Variants in TMEM238 observed in about 807,000 individuals in gnomAD.
TMEM238 encodes transmembrane protein 238.
For synonymous variants in TMEM238, 103 were observed against 111.5 expected, an observed-to-expected ratio of 0.92 and a Z score of 0.48; for missense variants, 169 against 206.8, an observed-to-expected ratio of 0.82 and a Z score of 1.12.
rs374241331 is a variant in TMEM238, at chr19:55,384,287, A to T, written c.-28T>A. The T allele has an allele frequency of 4.1e-3, 4,450 of 1,072,862 alleles. 21 individuals are homozygous for T. The highest frequency in any genetic ancestry group is 0.019 in the Middle Eastern group (44 of 2,362). The allele number at this position is 1,072,862 out of a possible 1,614,324, so 66.5% of individuals were successfully genotyped here. ...CCCTGCACCGCCGCCGCTGGCGCCC[A>T]GAGAGAGCGTTCCGGGGTGCGGCCC... On this transcript the variant is annotated 5_prime_UTR_variant, in exon 1 of 2. Transcript: ENST00000444469. This position sits in a 1 kb window ranked among gnomAD's most constrained non-coding sequence, Gnocchi z 5.6.
intron 1 of TMEM238, among the ~76,000 whole-genome samples, chr19:55,381,867 T>C (rs2089888340): frequency 6.6e-6 from 1 of 152,174 alleles, no homozygotes; most frequent in Non-Finnish European, 1.5e-5. Flanking sequence ...GAAAAGCTCT[T>C]GCCCCTTTAT....
In TMEM238 at chr19:55,383,804, G is replaced by A. The variant is rs1360892579; in HGVS notation, c.456C>T (p.Ala152=). The change falls in exon 1 of 2, where the codon GCC becomes GCT. Residue 152 remains alanine (A), a synonymous_variant. Transcript: ENST00000444469. This position sits in a 1 kb window ranked among gnomAD's most constrained non-coding sequence, Gnocchi z 4.9. ...GCTGCAGGCGCACGCGGCGGGAGCC[G>A]GCGGCGGGCGGCGGGGGCGCGCGGG... ...RAARAPPPPA[A]GSRRVRLQLA... 4.7e-5 allele frequency: 17 copies of A among 358,342 alleles called. No individual in the cohort carries two copies. Among genetic ancestry groups the A allele is most frequent in the Middle Eastern group, 1.4e-3 (1 of 708 alleles). 22.2% of individuals were successfully genotyped at this position (358,342 alleles called of 1,614,324 possible). A position where few individuals can be genotyped will look rare whatever the true frequency, so the allele number is the denominator to read the frequency against.
chr19:55,383,959 G>T lies in TMEM238; in HGVS notation c.301C>A (p.Leu101Met). ...GGCCGCAGGCCGTAGTCGCGCTCCA[G>T]CTCCTGGCGCGAGATCTCGATGTTG... ...TGNIEISRQE[L>M]ERDYGLRPSA... is the part of the protein sequence containing the mutation. The change falls in exon 1 of 2, where the codon CTG becomes ATG. Residue 101 changes from leucine (L) to methionine (M), a missense_variant. Transcript: ENST00000444469. This position sits in a 1 kb window ranked among gnomAD's most constrained non-coding sequence, Gnocchi z 4.9. 1 of 1,393,424 alleles carries T rather than the reference G, an allele frequency of 7.2e-7. No individual in the cohort carries two copies. Among genetic ancestry groups the T allele is most frequent in the African/African-American group, 1.5e-5 (1 of 66,478 alleles). The allele number at this position is 1,393,424 out of a possible 1,614,324, so 86.3% of individuals were successfully genotyped here. A position where few individuals can be genotyped will look rare whatever the true frequency, so the allele number is the denominator to read the frequency against.
At position 55,384,032 on chromosome 19, in the gene TMEM238, C is replaced by T. The variant is rs1422636578; in HGVS notation, c.228G>A (p.Ala76=). ...CCAGCAGGCTCAGGAACACCAGCAG[C>T]GCGCCCGAGTAGATGAGCAGGTCCC... ...DFGDLLIYSG[A]LLVFLSLLGW... Residue 76 remains alanine, a synonymous_variant, in exon 1 of 2, where the codon GCG becomes GCA. Transcript: ENST00000444469. This position sits in a 1 kb window ranked among gnomAD's most constrained non-coding sequence, Gnocchi z 5.6. 3.8e-5 allele frequency: 56 copies of T among 1,484,468 alleles called. No individual in the cohort carries two copies. Among genetic ancestry groups the T allele is most frequent in the African/African-American group, 5.7e-5 (4 of 70,264 alleles). 92.0% of individuals were successfully genotyped at this position (1,484,468 alleles called of 1,614,324 possible).
chr19:55,379,595 G>A (rs1024776588), intron 1 of TMEM238, among the ~76,000 whole-genome samples: 5 of 152,138 alleles, frequency 3.3e-5, no homozygotes, highest in African/African-American at 7.2e-5. Flanking sequence ...CAGGGAATGC[G>A]AGCCAGGGAG....
At position 55,384,147 on chromosome 19, in the gene TMEM238, A is replaced by T; in HGVS notation, c.113T>A (p.Leu38Gln). The change falls in exon 1 of 2, where the codon CTG (leucine) becomes CAG (glutamine). Residue 38 changes from leucine (L) to glutamine (Q), a missense_variant. Leu to Gln is a moderately radical substitution (Grantham distance 113). Coordinates refer to ENST00000444469, the MANE Select transcript of TMEM238 (RefSeq NM_001190764.2). The surrounding 1 kb of genome is among the most constrained non-coding windows in gnomAD (Gnocchi z 5.6). The part of the protein sequence containing the change: ...AAGLGRCRMA[L>Q]LLAVALDVAG... ...CACATCCAGCGCCACGGCCAGCAGC[A>T]GCGCCATCCGGCAGCGGCCCAGGCC... The T allele has an allele frequency of 7.2e-7, 1 of 1,394,972 alleles. No homozygotes were observed. The highest frequency in any genetic ancestry group is 9.4e-7 in the Non-Finnish European group (1 of 1,063,436). The allele number at this position is 1,394,972 out of a possible 1,614,324, so 86.4% of individuals were successfully genotyped here.
chr19:55,384,185 T>TGGCGCGGCCGCC lies in TMEM238; in HGVS notation c.63_74dup (p.Ala23_Ala26dup), dbSNP rs1310933452. 3 of 1,173,650 alleles carry TGGCGCGGCCGCC rather than the reference T, an allele frequency of 2.6e-6. No homozygotes were observed. Among genetic ancestry groups the TGGCGCGGCCGCC allele is most frequent in the African/African-American group, 1.6e-5 (1 of 61,006 alleles). 72.7% of individuals were successfully genotyped at this position (1,173,650 alleles called of 1,614,324 possible). On this transcript the variant is annotated inframe_insertion, in exon 1 of 2. Transcript: ENST00000444469. The surrounding 1 kb of genome is among the most constrained non-coding windows in gnomAD (Gnocchi z 5.6). The stretch of plus-strand genomic sequence containing the variant: ...AGCGGCCCAGGCCGGCCGCGGGTGC[T>TGGCGCGGCCGCC]GGCGCGGCCGCCGGCGCGGACGGTG...
chr19:55,382,729 G>C (rs1282368824), intron 1 of TMEM238, among the ~76,000 whole-genome samples: 1 of 152,188 alleles, frequency 6.6e-6, no homozygotes, highest in Non-Finnish European at 1.5e-5. Flanking sequence ...GCAGGTCTTT[G>C]AGCAGAGGCA....
intron 1 of TMEM238, among the ~76,000 whole-genome samples, chr19:55,382,566 G>C (rs1211104119): frequency 6.6e-6 from 1 of 152,196 alleles, no homozygotes; most frequent in Non-Finnish European, 1.5e-5. Flanking sequence ...GGGCACTCCT[G>C]GTGTAGAGAA....
intron 1 of TMEM238, among the ~76,000 whole-genome samples, 172 bp from the exon 2 acceptor site, chr19:55,379,539 T>G (rs760088293): frequency 1.3e-5 from 2 of 152,062 alleles, no homozygotes; most frequent in African/African-American, 2.4e-5. Flanking sequence ...GCTGAGTGTG[T>G]GCATGCGTGT....
intron 1 of TMEM238, among the ~76,000 whole-genome samples, chr19:55,380,380 CT>C (rs1490983727): frequency 2.5e-5 from 1 of 39,696 alleles, no homozygotes; most frequent in Non-Finnish European, 5.2e-5. Context: ...CTGCTTCCCC[CT>C]CCCCTCCCCC....
rs2089896276 is a variant in TMEM238, at chr19:55,383,861, G to T, written c.399C>A (p.Pro133=). The change falls in exon 1 of 2, where the codon CCC becomes CCA. Residue 133 remains proline (P), a synonymous_variant. Coordinates refer to ENST00000444469, the MANE Select transcript of TMEM238 (RefSeq NM_001190764.2). This position sits in a 1 kb window ranked among gnomAD's most constrained non-coding sequence, Gnocchi z 4.9. ...WSAPAAAGQR[P]APGSRRARRA... is the part of the protein sequence containing the mutation. ...GGCGCGCTCTCCGGGAGCCGGGCGCGGGGCGCTGGCCCGCGGCGGCGGGCG... is the reference window on the plus strand; with the variant it reads ...GGCGCGCTCTCCGGGAGCCGGGCGCTGGGCGCTGGCCCGCGGCGGCGGGCG... 1.1e-6 allele frequency: 1 copy of T among 926,274 alleles called. No homozygotes were observed. The highest frequency in any genetic ancestry group is 1.3e-6 in the Non-Finnish European group (1 of 768,104). 57.4% of individuals were successfully genotyped at this position (926,274 alleles called of 1,614,324 possible).
chr19:55,379,533 A>C (rs933518815), intron 1 of TMEM238, among the ~76,000 whole-genome samples, 166 bp from the exon 2 acceptor site: 4 of 152,056 alleles, frequency 2.6e-5, no homozygotes. Context: ...CCATTTGCTG[A>C]GTGTGTGCAT....
At chr19:55,382,317 T>C (rs1317197751) in intron 1 of TMEM238, among the ~76,000 whole-genome samples, 3 of 152,126 alleles carry the variant, frequency 2.0e-5, no homozygotes, top group Non-Finnish European at 4.4e-5. Flanking sequence ...CATCAACCTT[T>C]CCTGATTTCA....
At chr19:55,379,795 G>A (rs540088506) in intron 1 of TMEM238, among the ~76,000 whole-genome samples, 1 of 152,198 alleles carries the variant, frequency 6.6e-6, no homozygotes, top group African/African-American at 2.4e-5. Context: ...CATTTTGGCT[G>A]CAGGCAGGAG....
At chr19:55,382,313 C>T (rs2089889940) in intron 1 of TMEM238, among the ~76,000 whole-genome samples, 1 of 152,228 alleles carries the variant, frequency 6.6e-6, no homozygotes, top group Non-Finnish European at 1.5e-5. Flanking sequence ...CAACCATCAA[C>T]CTTTCCTGAT....
chr19:55,380,460 T>C (rs1430639098), intron 1 of TMEM238, among the ~76,000 whole-genome samples: 1 of 142,514 alleles, frequency 7.0e-6, no homozygotes, highest in African/African-American at 2.6e-5. Context: ...AGTCTTGCTC[T>C]GTTGCCCAAG....
chr19:55,380,670 C>T (rs148705147), intron 1 of TMEM238, among the ~76,000 whole-genome samples: 15,962 of 151,254 alleles, frequency 0.11, 1,346 homozygotes, highest in African/African-American at 0.24. Flanking sequence ...GGTGATCCAC[C>T]CGCCTCGGCC....
chr19:55,382,850 T>C (rs10426501), intron 1 of TMEM238, among the ~76,000 whole-genome samples: 147,172 of 152,254 alleles, frequency 0.97, 71,235 homozygotes, highest in Non-Finnish European at 0.99. Context: ...CTCCTCCTTT[T>C]CTAGGCCTAC....
Sources: gnomAD v4.1 joint callset for allele counts (sites outside exome capture counted in the v4.1 genomes callset) on GRCh38, gnomAD v4.1.1 for gene constraint, Gnocchi (gnomAD v3.1) non-coding constraint, MANE v1.5 for transcripts, NCBI Gene and HGNC (gene_info 2026-07-23, HGNC 2026-07-21) for gene names.